VPS35L: variants seen among roughly 807,000 people sequenced by gnomAD.
VPS35L encodes VPS35 endosomal protein-sorting factor-like.
Under a neutral mutation model 133.0 loss-of-function variants are expected in VPS35L, and 83 were observed. That is an observed-to-expected ratio of 0.62 (90% CI 0.52 to 0.75). The LOEUF (loss-of-function observed/expected upper bound fraction) is 0.75. VPS35L is among the 30% of genes least tolerant of loss of function. VPS35L has a pLI of 0.00. For synonymous variants in VPS35L, 423 were observed against 449.9 expected, an observed-to-expected ratio of 0.94 and a Z score of 0.76; for missense variants, 1,083 against 1,206.8, an observed-to-expected ratio of 0.90 and a Z score of 1.52.
chr16:19,686,796 CT>C (rs112337684), intron 28 of VPS35L, among the ~76,000 whole-genome samples: 1,766 of 152,248 alleles, frequency 0.012, 42 homozygotes, highest in African/African-American at 0.04. Context: ...CTTCTCACCC[CT>C]TTTCCCACTT....
chr16:19,578,932 A>G (rs557168830), intron 5 of VPS35L, 120 bp from the exon 6 acceptor site: 250 of 841,008 alleles, frequency 3.0e-4, no homozygotes, highest in Non-Finnish European at 4.4e-4. Context: ...ATAGTTTTCT[A>G]TAATGGAATC....
At chr16:19,595,542 C>A (rs534240242) in intron 8 of VPS35L, among the ~76,000 whole-genome samples, 1 of 152,242 alleles carries the variant, frequency 6.6e-6, no homozygotes, top group South Asian at 2.1e-4. Flanking sequence ...GGTTCCCTCG[C>A]CCGCCTCTCC....
intron 5 of VPS35L, among the ~76,000 whole-genome samples, chr16:19,577,050 A>G (rs1180738950): frequency 6.6e-6 from 1 of 152,188 alleles, no homozygotes; most frequent in Non-Finnish European, 1.5e-5. Flanking sequence ...AAGGTAAATC[A>G]TACCCACCAG....
intron 1 of VPS35L, among the ~76,000 whole-genome samples, chr16:19,563,474 A>G (rs549666945): frequency 2.6e-5 from 4 of 152,218 alleles, no homozygotes; most frequent in African/African-American, 9.6e-5. Flanking sequence ...GGTTTTGGAA[A>G]AGTTTCACCT....
At chr16:19,588,802 T>C (rs1001182286) in intron 7 of VPS35L, among the ~76,000 whole-genome samples, 1 of 152,220 alleles carries the variant, frequency 6.6e-6, no homozygotes, top group Admixed American at 6.5e-5. Flanking sequence ...TAAGAGCCTA[T>C]ACCTAAGAGT....
At chr16:19,599,631 G>C (rs1256201880) in intron 8 of VPS35L, among the ~76,000 whole-genome samples, 1 of 151,602 alleles carries the variant, frequency 6.6e-6, no homozygotes, top group Non-Finnish European at 1.5e-5. Context: ...CTCTCAAGTA[G>C]CTGGGACTAC....
chr16:19,650,281 C>G, intron 24 of VPS35L, 101 bp from the exon 25 acceptor site: 1 of 973,104 alleles, frequency 1.0e-6, no homozygotes, highest in Non-Finnish European at 1.6e-6. Context: ...AAAGCTTGTT[C>G]TCATTGACCT....
rs1381255795 is a variant in VPS35L, at chr16:19,644,883, T to C, written c.1866-3T>C. 6 of 1,587,938 alleles carry C rather than the reference T, an allele frequency of 3.8e-6. No homozygotes were observed. Among genetic ancestry groups the C allele is most frequent in the Non-Finnish European group, 5.2e-6 (6 of 1,159,548 alleles). ...GTTAATTATGTACAATTATTGATTT[T>C]AGTGCACTCACTCTTGAGGATGAGA... On this transcript the variant is annotated splice_region_variant and splice_polypyrimidine_tract_variant and intron_variant, in intron 22 of 30. Transcript: ENST00000417362.
rs1344342825 is a variant in VPS35L, at chr16:19,575,130, G to T, written c.433+8G>T. The stretch of plus-strand genomic sequence containing the variant: ...TTATGGGATCTGAAAAAGGTAAGAT[G>T]AGTTTGTTGTTGTTTTGATGGGAAA... On this transcript the variant is annotated splice_region_variant and intron_variant, in intron 5 of 30. Transcript: ENST00000417362. 6.2e-7 allele frequency: 1 copy of T among 1,606,694 alleles called. No homozygotes were observed.
chr16:19,591,770 CTT>C lies in VPS35L; in HGVS notation c.640-14_640-13del. On this transcript the variant is annotated intron_variant, in intron 7 of 30. Coordinates refer to ENST00000417362, the MANE Select transcript of VPS35L (RefSeq NM_020314.7). Reference sequence around the variant, plus strand: ...CCAGACATGCCAGAGTGAATTTTCTCTTTTTTTCTCTTTTTTTAGTGTTCAAA... The same window carrying C: ...CCAGACATGCCAGAGTGAATTTTCTCTTTTTCTCTTTTTTTAGTGTTCAAA... 6.3e-7 allele frequency: 1 copy of C among 1,585,396 alleles called. No homozygotes were observed. Among genetic ancestry groups the C allele is most frequent in the South Asian group, 1.1e-5 (1 of 90,498 alleles).
chr16:19,590,469 T>C (rs1310247017), intron 7 of VPS35L, among the ~76,000 whole-genome samples: 3 of 152,216 alleles, frequency 2.0e-5, no homozygotes, highest in Non-Finnish European at 4.4e-5. Context: ...TAATTCCTTA[T>C]GCTGACTTTT....
intron 27 of VPS35L, among the ~76,000 whole-genome samples, chr16:19,672,975 T>C (rs1974927586): frequency 6.6e-6 from 1 of 152,196 alleles, no homozygotes; most frequent in Non-Finnish European, 1.5e-5. Context: ...TGAAAAGCCT[T>C]CTCAGATTCA....
intron 1 of VPS35L, among the ~76,000 whole-genome samples, chr16:19,562,258 G>A (rs569515201): frequency 6.6e-6 from 1 of 152,102 alleles, no homozygotes; most frequent in Non-Finnish European, 1.5e-5. Context: ...GCCAAGTGGG[G>A]GTAGAAGAAG....
intron 18 of VPS35L, among the ~76,000 whole-genome samples, chr16:19,632,256 C>T (rs1007571600): frequency 2.0e-5 from 3 of 152,246 alleles, no homozygotes; most frequent in African/African-American, 7.2e-5. Flanking sequence ...AGCCACTGCA[C>T]CCAGCCGAGT....
At chr16:19,585,406 CTT>C (rs201727936) in intron 7 of VPS35L, among the ~76,000 whole-genome samples, 14 of 138,100 alleles carry the variant, frequency 1.0e-4, no homozygotes, top group Admixed American at 1.5e-4. Context: ...TTTCTTTTTT[CTT>C]TTTTTTTTTT....
Position 19,621,572 on chromosome 16 carries a change from G to A in VPS35L, c.1225-4605G>A, listed in dbSNP as rs139431146. On this transcript the variant is annotated intron_variant, in intron 14 of 30. Coordinates refer to ENST00000417362, the MANE Select transcript of VPS35L (RefSeq NM_020314.7). ...TGTGAAAATGAAAGAAATATGCTGA[G>A]CTGCTTTTTCAGTGGTTGATCCCAG... is the stretch of plus-strand genomic sequence containing the variant. Among the ~76,000 whole-genome samples, 274 of 152,344 alleles carry A rather than the reference G, an allele frequency of 1.8e-3. 2 individuals are homozygous for A. In the Middle Eastern group the frequency reaches 0.02, roughly 11 times the overall value.
chr16:19,594,644 CAAAAAA>C (rs57187565), intron 8 of VPS35L, among the ~76,000 whole-genome samples: 1,301 of 31,336 alleles, frequency 0.042, 14 homozygotes, highest in African/African-American at 0.13. Context: ...GATTTCGTCT[CAAAAAA>C]AAAAAAAAAA....
chr16:19,557,307 A>T (rs1210818354), intron 1 of VPS35L, among the ~76,000 whole-genome samples: 1 of 152,184 alleles, frequency 6.6e-6, no homozygotes, highest in Non-Finnish European at 1.5e-5. Context: ...TTTTAATTTT[A>T]TATTACAAGC....
intron 1 of VPS35L, 119 bp downstream of exon 1, chr16:19,555,865 C>T: frequency 7.2e-7 from 1 of 1,380,166 alleles, no homozygotes; most frequent in African/African-American, 1.5e-5. Context: ...ACCGGCCACC[C>T]CCAAGTTGTC....
Sources: gnomAD v4.1 joint callset for allele counts (sites outside exome capture counted in the v4.1 genomes callset) on GRCh38, gnomAD v4.1.1 for gene constraint, MANE v1.5 for transcripts, NCBI Gene and HGNC (gene_info 2026-07-23, HGNC 2026-07-21) for gene names.